Variants in POR observed in about 807,000 individuals in gnomAD.
POR encodes cytochrome p450 oxidoreductase.
POR carries 56 observed loss-of-function variants against 84.0 expected under a neutral mutation model. The ratio of observed to expected loss-of-function variants is 0.67; its 90% confidence interval spans 0.54 to 0.83. The LOEUF (loss-of-function observed/expected upper bound fraction) is 0.83. POR is among the 40% of genes least tolerant of loss of function. The pLI, the probability that POR is intolerant of heterozygous loss-of-function variation, is 0.00. For missense variants in POR, 938 were observed against 944.3 expected (o/e 0.99, Z 0.09); for synonymous variants, 414 against 400.5 (o/e 1.03, Z -0.40).
At position 75,980,563 on chromosome 7, in the gene POR, T is replaced by C. The variant is rs149727020; in HGVS notation, c.516+75T>C. The C allele has an allele frequency of 2.7e-5, 44 of 1,611,822 alleles. No homozygotes were observed. In the East Asian group the frequency reaches 8.3e-4, roughly 30 times the overall value. On this transcript the variant is annotated intron_variant, in intron 5 of 15. Coordinates refer to ENST00000461988, the MANE Select transcript of POR (RefSeq NM_000941.3). Reference sequence around the variant, plus strand: ...CCTGGGGACTCCAGATCCATGTATCTGAAAGGCAGCCCTCCAGACCCCCAC... The same window carrying C: ...CCTGGGGACTCCAGATCCATGTATCCGAAAGGCAGCCCTCCAGACCCCCAC...
chr7:75,981,881 A>C, intron 7 of POR: 1 of 571,978 alleles, frequency 1.7e-6, no homozygotes, highest in Non-Finnish European at 3.1e-6. Context: ...CATTTCCTTA[A>C]AATCTGCCTC....
rs1787906943 is a variant in POR, at chr7:75,960,897, A to C, written c.188+6717A>C. 1.3e-5 allele frequency among the ~76,000 whole-genome samples: 2 copies of C among 152,166 alleles called. 1 individual carries two copies. Among genetic ancestry groups the C allele is most frequent in the Non-Finnish European group, 2.9e-5 (2 of 68,032 alleles). Reference sequence around the variant, plus strand: ...CCTCCAGGCTGGGTTTGGCTTACACAGTATTTTTTTAAAAAATATTTTAAT... The same window carrying C: ...CCTCCAGGCTGGGTTTGGCTTACACCGTATTTTTTTAAAAAATATTTTAAT... On this transcript the variant is annotated intron_variant, in intron 2 of 15. Coordinates refer to ENST00000461988, the MANE Select transcript of POR (RefSeq NM_000941.3).
chr7:75,931,256 T>C (rs1807402831), intron 1 of POR, among the ~76,000 whole-genome samples: 1 of 152,230 alleles, frequency 6.6e-6, no homozygotes, highest in Non-Finnish European at 1.5e-5. Context: ...AGGGCTTTTA[T>C]GCATGCCACA....
chr7:75,962,871 A>G (rs1454316191), intron 2 of POR, among the ~76,000 whole-genome samples: 1 of 152,182 alleles, frequency 6.6e-6, no homozygotes, highest in African/African-American at 2.4e-5. Flanking sequence ...GTTTTTCCTT[A>G]GCGACACGTC....
At chr7:75,966,240 C>G (rs1437583344) in intron 2 of POR, among the ~76,000 whole-genome samples, 3 of 152,216 alleles carry the variant, frequency 2.0e-5, no homozygotes, top group Admixed American at 2.0e-4. Context: ...TTCACCTCCC[C>G]CTGCCTGTAG....
intron 1 of POR, among the ~76,000 whole-genome samples, chr7:75,926,489 A>C (rs1807134637): frequency 6.6e-6 from 1 of 152,058 alleles, no homozygotes; most frequent in Admixed American, 6.6e-5. Flanking sequence ...TCATTTAGTC[A>C]TTCAGCAAAC....
At chr7:75,939,668 G>C (rs1807870649) in intron 1 of POR, among the ~76,000 whole-genome samples, 2 of 141,522 alleles carry the variant, frequency 1.4e-5, no homozygotes, top group Admixed American at 1.4e-4. Context: ...GCAGTGGCAT[G>C]ATCTTGGCTC....
intron 6 of POR, 133 bp from the exon 7 acceptor site, chr7:75,981,384 A>C (rs1789032153): frequency 7.5e-6 from 9 of 1,192,742 alleles, no homozygotes; most frequent in African/African-American, 3.1e-5. Flanking sequence ...CTCTGGGTTT[A>C]TGTCGCTGGG....
At chr7:75,947,460 A>G (rs1156977615) in intron 1 of POR, among the ~76,000 whole-genome samples, 1 of 151,938 alleles carries the variant, frequency 6.6e-6, no homozygotes, top group Non-Finnish European at 1.5e-5. Flanking sequence ...ACGCCCAGCT[A>G]ATTTTTGTAT....
intron 3 of POR, among the ~76,000 whole-genome samples, chr7:75,976,837 C>T (rs1195280397): frequency 6.6e-6 from 1 of 151,784 alleles, no homozygotes; most frequent in Non-Finnish European, 1.5e-5. Flanking sequence ...TATTGTAATC[C>T]CTAAGTTTTT....
chr7:75,957,028 A>G (rs1207460930), intron 2 of POR, among the ~76,000 whole-genome samples: 1 of 152,186 alleles, frequency 6.6e-6, no homozygotes, highest in Non-Finnish European at 1.5e-5. Context: ...ACCCGGCCAC[A>G]GCGTACTTTT....
At chr7:75,964,468 C>T (rs905914688) in intron 2 of POR, among the ~76,000 whole-genome samples, 5 of 152,134 alleles carry the variant, frequency 3.3e-5, no homozygotes, top group South Asian at 2.1e-4. Context: ...CCACCACACC[C>T]GGCTAATTTT....
At chr7:75,975,192 T>G (rs1177646161) in intron 3 of POR, among the ~76,000 whole-genome samples, 2 of 152,202 alleles carry the variant, frequency 1.3e-5, no homozygotes, top group African/African-American at 4.8e-5. Context: ...GTTTTGTTTT[T>G]CATATTCAAA....
At position 75,943,244 on chromosome 7, in the gene POR, C is replaced by G. The variant is rs561024354; in HGVS notation, c.-4-10745C>G. Among the ~76,000 whole-genome samples the G allele has an allele frequency of 2.6e-5, 4 of 152,290 alleles. No homozygotes were observed. In the South Asian group the frequency reaches 8.3e-4, roughly 32 times the overall value. On this transcript the variant is annotated intron_variant, in intron 1 of 15. Transcript: ENST00000461988. ...GGGTTTACAGGCATGAGCCACCGTGCCCGGCCCTCTCTTTTTTTATTTTTT... is the reference window on the plus strand; with the variant it reads ...GGGTTTACAGGCATGAGCCACCGTGGCCGGCCCTCTCTTTTTTTATTTTTT...
chr7:75,983,587 G>A lies in POR; in HGVS notation c.898G>A (p.Glu300Lys), dbSNP rs11540674. 3.9e-4 allele frequency: 625 copies of A among 1,613,054 alleles called. 4 individuals are homozygous for A. Among genetic ancestry groups the A allele is most frequent in the Middle Eastern group, 2.5e-3 (15 of 6,060 alleles). Reference sequence around the variant, plus strand: ...CAACCGGAAGCTGAACCAGGGAACCGAGCGCCACCTCATGCACCTGGAATT... The same window carrying A: ...CAACCGGAAGCTGAACCAGGGAACCAAGCGCCACCTCATGCACCTGGAATT... Residue 300 changes from glutamate (E) to lysine (K), a missense_variant, in exon 9 of 16, where the codon GAG becomes AAG. Coordinates refer to ENST00000461988, the MANE Select transcript of POR (RefSeq NM_000941.3).
chr7:75,976,441 TAA>T (rs10647973), intron 3 of POR, among the ~76,000 whole-genome samples: 41,026 of 146,098 alleles, frequency 0.28, 6,364 homozygotes, highest in Non-Finnish European at 0.37. Flanking sequence ...AGATTCCATC[TAA>T]AAAAAAAAAA....
chr7:75,919,500 G>A (rs1410725516), intron 1 of POR, among the ~76,000 whole-genome samples: 3 of 151,994 alleles, frequency 2.0e-5, no homozygotes, highest in Non-Finnish European at 2.9e-5. Flanking sequence ...TGGGTTCACT[G>A]GAGCCACGTT....
intron 1 of POR, chr7:75,923,478 C>G (rs1299683942): frequency 2.0e-6 from 1 of 511,982 alleles, no homozygotes; most frequent in African/African-American, 1.9e-5. Context: ...AAATTTTTAT[C>G]AATGAACTGG....
chr7:75,958,864 A>G (rs1000242071), intron 2 of POR, among the ~76,000 whole-genome samples: 65 of 152,212 alleles, frequency 4.3e-4, no homozygotes, highest in African/African-American at 1.5e-3. Context: ...TTGTTAATTT[A>G]CCGACAAGGA....
Sources: gnomAD v4.1 joint callset for allele counts (sites outside exome capture counted in the v4.1 genomes callset) on GRCh38, gnomAD v4.1.1 for gene constraint, MANE v1.5 for transcripts, NCBI Gene and HGNC (gene_info 2026-07-23, HGNC 2026-07-21) for gene names.